CRISPLD2: variants seen among roughly 807,000 people sequenced by gnomAD.
CRISPLD2 encodes the protein cysteine rich secretory protein LCCL domain containing 2.
Under a neutral mutation model 71.1 loss-of-function variants are expected in CRISPLD2, and 47 were observed. That is an observed-to-expected ratio of 0.66 (90% CI 0.52 to 0.84). The LOEUF is 0.84. Among genes scored for constraint, CRISPLD2 ranks in the 40% least tolerant of loss-of-function variants. CRISPLD2 has a pLI of 0.00. For missense variants in CRISPLD2, 830 were observed against 651.1 expected, an observed-to-expected ratio of 1.27 and a Z score of -2.99; for synonymous variants, 317 against 250.1, an observed-to-expected ratio of 1.27 and a Z score of -2.52.
intron 1 of CRISPLD2, among the ~76,000 whole-genome samples, chr16:84,822,163 A>G (rs886756498): frequency 1.3e-5 from 2 of 152,228 alleles, no homozygotes; most frequent in Admixed American, 1.3e-4. Context: ...GCTTGGGCTC[A>G]ACATTGCTGA....
At chr16:84,879,034 C>G (rs2071545278) in intron 12 of CRISPLD2, among the ~76,000 whole-genome samples, 1 of 152,250 alleles carries the variant, frequency 6.6e-6, no homozygotes. Context: ...GGTGGTGACC[C>G]CAAGGTTCCG....
At chr16:84,889,090 A>C in intron 13 of CRISPLD2, 140 bp from the exon 14 acceptor site, 1 of 905,972 alleles carries the variant, frequency 1.1e-6, no homozygotes, top group African/African-American at 1.6e-5. Context: ...GCATCAAGGT[A>C]GTGATGATTA....
chr16:84,881,609 C>T (rs550013309), intron 13 of CRISPLD2, among the ~76,000 whole-genome samples: 7 of 151,020 alleles, frequency 4.6e-5, no homozygotes, highest in Non-Finnish European at 8.8e-5. Context: ...GTGATTAGGG[C>T]AGCATCATTC....
At chr16:84,869,781 G>A (rs1426389625) in intron 8 of CRISPLD2, among the ~76,000 whole-genome samples, 2 of 152,290 alleles carry the variant, frequency 1.3e-5, no homozygotes, top group African/African-American at 2.4e-5. Context: ...GGGCTGCTGA[G>A]AAGCCGGAGT....
At chr16:84,835,344 C>G (rs1196348035) in intron 1 of CRISPLD2, among the ~76,000 whole-genome samples, 1 of 152,184 alleles carries the variant, frequency 6.6e-6, no homozygotes, top group African/African-American at 2.4e-5. Context: ...CTCGGCCTCC[C>G]AAAGTGCTGG....
At chr16:84,848,687 C>A (rs1438456709) in intron 3 of CRISPLD2, among the ~76,000 whole-genome samples, 1 of 152,168 alleles carries the variant, frequency 6.6e-6, no homozygotes, top group East Asian at 1.9e-4. Context: ...GTGATCCTAC[C>A]GCCTCAGCCT....
At chr16:84,896,955 C>T (rs2968149) in intron 14 of CRISPLD2, among the ~76,000 whole-genome samples, 60,618 of 152,034 alleles carry the variant, frequency 0.4, 12,598 homozygotes, top group East Asian at 0.62. Flanking sequence ...GGCCGTCCAC[C>T]CTCCTTAATC....
At chr16:84,875,587 C>T (rs1298085910) in intron 11 of CRISPLD2, among the ~76,000 whole-genome samples, 1 of 151,430 alleles carries the variant, frequency 6.6e-6, no homozygotes, top group Admixed American at 6.6e-5. Flanking sequence ...GATGGAGTCT[C>T]TCTCTGTCGC....
chr16:84,904,332 C>G (rs2071781927), intron 14 of CRISPLD2, among the ~76,000 whole-genome samples: 1 of 128,026 alleles, frequency 7.8e-6, no homozygotes, highest in South Asian at 3.0e-4. Flanking sequence ...CGCCTGAAAT[C>G]CCAGCACTTT....
chr16:84,889,752 TTGTGTGTGTGTGTGTGTGTGTG>T (rs60555979), intron 14 of CRISPLD2, among the ~76,000 whole-genome samples: 4 of 139,216 alleles, frequency 2.9e-5, no homozygotes, highest in South Asian at 2.3e-4. Context: ...TTGTTTTTCT[TTGTGTGTGTGTGTGTGTGTGTG>T]TGTGTGTGTG....
Position 84,880,541 on chromosome 16 carries a change from C to G in CRISPLD2, c.1262C>G (p.Pro421Arg), listed in dbSNP as rs750979414. The stretch of plus-strand genomic sequence containing the variant: ...TGTCCGGCACACTGCAAAGACGAAC[C>G]TTCCTACTGGGCTCCGGTGTTTGGA... ...IHCPAHCKDE[P>R]SYWAPVFGTN... Residue 421 changes from proline to arginine, a missense_variant, in exon 13 of 15, where the codon CCT becomes CGT. Pro to Arg is a moderately radical substitution (Grantham distance 103). Coordinates refer to ENST00000262424, the MANE Select transcript of CRISPLD2 (RefSeq NM_031476.4). The G allele has an allele frequency of 6.2e-7, 1 of 1,613,808 alleles. No individual in the cohort carries two copies. The highest frequency in any genetic ancestry group is 8.5e-7 in the Non-Finnish European group (1 of 1,179,818).
intron 2 of CRISPLD2, among the ~76,000 whole-genome samples, chr16:84,843,496 G>A (rs778513887): frequency 6.6e-5 from 10 of 152,180 alleles, no homozygotes; most frequent in East Asian, 5.8e-4. Context: ...GCCTGCCTCC[G>A]TCCAGCCAGC....
chr16:84,858,752 G>A (rs1225726060), intron 6 of CRISPLD2, among the ~76,000 whole-genome samples: 1 of 152,206 alleles, frequency 6.6e-6, no homozygotes, highest in African/African-American at 2.4e-5. Flanking sequence ...TGGCCTTTCA[G>A]CTGAAGGCAA....
intron 8 of CRISPLD2, among the ~76,000 whole-genome samples, chr16:84,870,656 C>A (rs796978618): frequency 3.3e-5 from 5 of 152,288 alleles, no homozygotes; most frequent in African/African-American, 7.2e-5. Flanking sequence ...AAATATTCTT[C>A]ACGCACTTCA....
At chr16:84,867,356 C>T (rs1457295898) in intron 7 of CRISPLD2, among the ~76,000 whole-genome samples, 1 of 152,302 alleles carries the variant, frequency 6.6e-6, no homozygotes, top group African/African-American at 2.4e-5. Flanking sequence ...CTCTGGGAAG[C>T]GCTGGCCCTG....
In CRISPLD2 at chr16:84,855,620, C is replaced by G. The variant is rs113481232; in HGVS notation, c.709+791C>G. 6.8e-3 allele frequency among the ~76,000 whole-genome samples: 1,041 copies of G among 152,272 alleles called. 18 individuals carry two copies. The highest frequency in any genetic ancestry group is 0.024 in the African/African-American group (1,004 of 41,546). ...AAATGTTAATCTCCTTTGGCAACAC[C>G]CTCACAGACACACCCAGGATCAGTG... On this transcript the variant is annotated intron_variant, in intron 6 of 14. Coordinates refer to ENST00000262424, the MANE Select transcript of CRISPLD2 (RefSeq NM_031476.4).
intron 13 of CRISPLD2, among the ~76,000 whole-genome samples, chr16:84,886,498 C>A (rs1268168979): frequency 6.6e-6 from 1 of 152,064 alleles, no homozygotes; most frequent in Non-Finnish European, 1.5e-5. Flanking sequence ...TTGGGTGTAG[C>A]TCCCCACTCC....
At chr16:84,892,975 CAA>C (rs35939092) in intron 14 of CRISPLD2, among the ~76,000 whole-genome samples, 128 of 64,936 alleles carry the variant, frequency 2.0e-3, no homozygotes, top group African/African-American at 4.6e-3. Context: ...GACTCCATCT[CAA>C]AAAAAAAAAA....
intron 6 of CRISPLD2, among the ~76,000 whole-genome samples, chr16:84,863,664 T>C (rs964527666): frequency 4.0e-5 from 6 of 151,436 alleles, no homozygotes; most frequent in Non-Finnish European, 8.8e-5. Context: ...AAATGGGAGG[T>C]TGACAGAAGA....
Sources: allele counts gnomAD v4.1 joint callset (sites outside exome capture counted in the v4.1 genomes callset), GRCh38; gene constraint gnomAD v4.1.1; transcripts MANE v1.5; gene names NCBI Gene and HGNC (gene_info 2026-07-23, HGNC 2026-07-21).